The following MYO1H variants were observed in gnomAD, a reference collection of about 807,000 sequenced individuals.
MYO1H encodes myosin IH.
MYO1H carries 118 observed loss-of-function variants against 149.3 expected under a neutral mutation model. That is an observed-to-expected ratio of 0.79 (90% CI 0.68 to 0.92). The LOEUF (loss-of-function observed/expected upper bound fraction) is 0.92, where lower values mean the gene tolerates loss of function less well. Ranked by LOEUF, MYO1H falls within the 40% of genes least tolerant of loss-of-function variation. The pLI is 0.00. For synonymous variants in MYO1H, 447 were observed against 465.2 expected (o/e 0.96, Z 0.50); for missense variants, 1,212 against 1,280.7 (o/e 0.95, Z 0.82).
the MYO1H span, among the ~76,000 whole-genome samples, chr12:109,327,246 C>T: frequency 2.0e-5 from 3 of 150,500 alleles, no homozygotes; most frequent in Admixed American, 1.3e-4. Flanking sequence ...AATTCTCTGC[C>T]TCAGCCTCCA....
At chr12:109,443,775 C>T (rs1872354048) in intron 28 of MYO1H, 126 bp downstream of exon 28, 8 of 975,022 alleles carry the variant, frequency 8.2e-6, no homozygotes, top group African/African-American at 1.6e-5. Context: ...TAGTGATGCA[C>T]ACCTGTAGTC....
chr12:109,443,399 C>T lies in MYO1H; in HGVS notation c.2689-115C>T, dbSNP rs535665673. 535 of 1,119,112 alleles carry T rather than the reference C, an allele frequency of 4.8e-4. 5 individuals are homozygous for T. The highest frequency in any genetic ancestry group is 5.9e-4 in the Non-Finnish European group (469 of 791,306). The allele number at this position is 1,119,112 out of a possible 1,614,324, so 69.3% of individuals were successfully genotyped here. On this transcript the variant is annotated intron_variant, in intron 27 of 31. Coordinates refer to ENST00000310903, the Ensembl canonical transcript of MYO1H. ...ACACACACACACACACACACATACA[C>T]GCAAAATCTGTTTGAGCTTTTCTAA...
chr12:109,323,959 C>T, the MYO1H span, among the ~76,000 whole-genome samples: 1 of 151,240 alleles, frequency 6.6e-6, no homozygotes, highest in East Asian at 1.9e-4. Context: ...CGGGAGGATT[C>T]CTTGGGCCTG....
At chr12:109,348,389 AC>A (rs746394584) in intron 1 of MYO1H, among the ~76,000 whole-genome samples, 73 of 152,352 alleles carry the variant, frequency 4.8e-4, no homozygotes, top group Non-Finnish European at 7.6e-4. Context: ...TTAAATAGCC[AC>A]ATGTGGCTAG....
chr12:109,431,992 ATTTTTTTTT>A (rs554701536), intron 19 of MYO1H, among the ~76,000 whole-genome samples: 7 of 85,746 alleles, frequency 8.2e-5, no homozygotes, highest in African/African-American at 3.2e-4. Flanking sequence ...TAAAAAAAAA[ATTTTTTTTT>A]TTTTTTTTTT....
chr12:109,418,823 C>T (rs573448812), intron 15 of MYO1H, among the ~76,000 whole-genome samples: 21 of 152,234 alleles, frequency 1.4e-4, no homozygotes, highest in African/African-American at 4.6e-4. Context: ...GGATTACAGG[C>T]GTGAGCCACC....
At chr12:109,397,619 T>G in intron 4 of MYO1H, 113 bp from the exon 5 acceptor site, 1 of 709,394 alleles carries the variant, frequency 1.4e-6, no homozygotes, top group Non-Finnish European at 2.2e-6. Flanking sequence ...CTTTCCTCCC[T>G]GGCTCCTTCC....
At chr12:109,401,314 A>C in intron 6 of MYO1H, 42 bp downstream of exon 6, 1 of 1,560,332 alleles carries the variant, frequency 6.4e-7, no homozygotes, top group Non-Finnish European at 8.7e-7. Context: ...TCTTTGGAGC[A>C]GGGGATCAGA....
chr12:109,387,127 C>A (rs1021849114), intron 1 of MYO1H, among the ~76,000 whole-genome samples: 5 of 151,950 alleles, frequency 3.3e-5, no homozygotes, highest in African/African-American at 1.2e-4. Context: ...ATGGGAATCT[C>A]CCTGTGTTGC....
In MYO1H at chr12:109,407,920, C is replaced by T. The variant is rs1157919275; in HGVS notation, c.1155+7C>T. On this transcript the variant is annotated splice_region_variant and intron_variant, in intron 10 of 31. Transcript: ENST00000310903. ...TTCCTCCTTAGTTAACAAGGTTGGT[C>T]AACGCATTTTGGATCCCTTGCTCTT... The T allele has an allele frequency of 1.2e-6, 2 of 1,613,828 alleles. No homozygotes were observed. Among genetic ancestry groups the T allele is most frequent in the South Asian group, 1.1e-5 (1 of 91,048 alleles).
the MYO1H span, among the ~76,000 whole-genome samples, chr12:109,340,573 G>C: frequency 1.3e-5 from 2 of 152,204 alleles, no homozygotes; most frequent in African/African-American, 4.8e-5. Flanking sequence ...AGTAGAGACA[G>C]TGAGATATTT....
At chr12:109,432,999 C>T (rs1162970281) in exon 20 of MYO1H, 1 of 1,613,680 alleles carries the variant, frequency 6.2e-7, no homozygotes, top group African/African-American at 1.3e-5. Context: ...CCGAGGAATA[C>T]AAGTTAGGCA....
chr12:109,380,068 T>C (rs11066449), intron 1 of MYO1H, among the ~76,000 whole-genome samples: 38,887 of 151,830 alleles, frequency 0.26, 5,658 homozygotes, highest in Admixed American at 0.39. Context: ...TTTCATTTTT[T>C]ACTTTTTGTA....
chr12:109,354,630 A>AAAAAGAAAAG (rs1555247912), intron 1 of MYO1H, among the ~76,000 whole-genome samples: 14 of 134,046 alleles, frequency 1.0e-4, no homozygotes, highest in Admixed American at 2.4e-4. Flanking sequence ...AAAAAAAAAA[A>AAAAAGAAAAG]AAAAGAAAAG....
the MYO1H span, among the ~76,000 whole-genome samples, chr12:109,335,296 G>A: frequency 1.3e-5 from 2 of 152,068 alleles, no homozygotes; most frequent in African/African-American, 2.4e-5. Context: ...TGCTTCACAT[G>A]GCCAGAGCAG....
At chr12:109,361,558 C>G (rs549707471) in intron 1 of MYO1H, among the ~76,000 whole-genome samples, 1 of 152,292 alleles carries the variant, frequency 6.6e-6, no homozygotes, top group East Asian at 1.9e-4. Flanking sequence ...GTAATCCCAG[C>G]ACTTTGGGAG....
chr12:109,357,262 C>T (rs1015928901), intron 1 of MYO1H: 2 of 152,154 alleles, frequency 1.3e-5, no homozygotes, highest in African/African-American at 4.8e-5. Context: ...GCTGTGAACA[C>T]AGAGCTGCTG....
chr12:109,417,463 G>T lies in MYO1H; in HGVS notation c.1597+1843G>T, dbSNP rs532209293. On this transcript the variant is annotated intron_variant, in intron 15 of 31. Coordinates refer to ENST00000310903, the Ensembl canonical transcript of MYO1H. ...CTGCCTCAGCCTCCCAAGTAGCTGG[G>T]ACTACAGGTGCCCGCCACCACACCT... is the stretch of plus-strand genomic sequence containing the variant. Among the ~76,000 whole-genome samples, 12 of 151,960 alleles carry T rather than the reference G, an allele frequency of 7.9e-5. No individual in the cohort carries two copies. In the South Asian group the frequency reaches 2.5e-3, roughly 32 times the overall value.
intron 1 of MYO1H, among the ~76,000 whole-genome samples, chr12:109,356,463 C>T (rs1177992533): frequency 3.3e-5 from 5 of 152,094 alleles, no homozygotes; most frequent in African/African-American, 1.2e-4. Flanking sequence ...CTCATGGGCT[C>T]TGGGAAAGCT....
Sources: allele counts gnomAD v4.1 joint callset (sites outside exome capture counted in the v4.1 genomes callset), GRCh38; gene constraint gnomAD v4.1.1; transcripts MANE v1.5; gene names NCBI Gene and HGNC (gene_info 2026-07-23, HGNC 2026-07-21).